CACNA1C: variants seen among roughly 807,000 people sequenced by gnomAD.
The protein encoded by CACNA1C is voltage-dependent L-type calcium channel subunit alpha-1C.
In CACNA1C, 30 loss-of-function variants were observed where a neutral mutation model predicts 229.0. The ratio of observed to expected loss-of-function variants is 0.13; its 90% confidence interval spans 0.10 to 0.18. The LOEUF is 0.18. Among genes scored for constraint, CACNA1C ranks in the 10% least tolerant of loss-of-function variants. The pLI is 1.00. For synonymous variants in CACNA1C, 1,114 were observed against 1,132.5 expected, an observed-to-expected ratio of 0.98 and a Z score of 0.33; for missense variants, 1,658 against 2,845.0, an observed-to-expected ratio of 0.58 and a Z score of 9.49.
intron 3 of CACNA1C, among the ~76,000 whole-genome samples, chr12:2,372,464 G>A (rs1237456214): frequency 6.6e-6 from 1 of 152,184 alleles, no homozygotes; most frequent in East Asian, 1.9e-4. Context: ...GACACAGGCA[G>A]ATCTCCAGCA....
At chr12:2,562,451 C>T (rs532640352) in intron 11 of CACNA1C, among the ~76,000 whole-genome samples, 2 of 152,270 alleles carry the variant, frequency 1.3e-5, no homozygotes, top group South Asian at 2.1e-4. Context: ...TGAGTTTGTC[C>T]TGAAAATTCA....
chr12:2,465,323 T>G (rs181838720), intron 5 of CACNA1C, among the ~76,000 whole-genome samples: 1 of 152,286 alleles, frequency 6.6e-6, no homozygotes, highest in East Asian at 1.9e-4. Flanking sequence ...TTATTTGACT[T>G]GCATAGTGTA....
intron 9 of CACNA1C, among the ~76,000 whole-genome samples, chr12:2,548,399 A>G (rs936885386): frequency 5.9e-5 from 9 of 152,146 alleles, no homozygotes; most frequent in African/African-American, 1.9e-4. Context: ...CAAGATGAAC[A>G]TGCTACAGGA....
intron 3 of CACNA1C, among the ~76,000 whole-genome samples, chr12:2,182,411 T>A (rs909737244): frequency 6.6e-6 from 1 of 151,904 alleles, no homozygotes; most frequent in African/African-American, 2.4e-5. Context: ...CCTTATGGGG[T>A]TTTTTTCCCC....
intron 5 of CACNA1C, among the ~76,000 whole-genome samples, chr12:2,470,510 G>A (rs1204850347): frequency 6.6e-6 from 1 of 152,170 alleles, no homozygotes; most frequent in Non-Finnish European, 1.5e-5. Context: ...ATTATTGGTT[G>A]ATTCTCTCGT....
Position 2,181,831 on chromosome 12 carries a change from A to G in CACNA1C, c.477+61401A>G, listed in dbSNP as rs1274500343. The stretch of plus-strand genomic sequence containing the variant: ...TAGCGAGGGTAAGTAATGGACTGCA[A>G]GGACACTCTGTCTCTGGCCCAGAGG... On this transcript the variant is annotated intron_variant, in intron 3 of 46. Coordinates refer to ENST00000399655, the MANE Select transcript of CACNA1C (RefSeq NM_000719.7). This position sits in a 1 kb window ranked among gnomAD's most constrained non-coding sequence, Gnocchi z 4.0. Among the ~76,000 whole-genome samples, 1 of 152,148 alleles carries G rather than the reference A, an allele frequency of 6.6e-6. No homozygotes were observed. The highest frequency in any genetic ancestry group is 2.4e-5 in the African/African-American group (1 of 41,424).
At chr12:2,611,563 G>A (rs896247449) in intron 28 of CACNA1C, among the ~76,000 whole-genome samples, 7 of 152,094 alleles carry the variant, frequency 4.6e-5, no homozygotes, top group Admixed American at 2.6e-4. Flanking sequence ...ATTCGTTGTC[G>A]GTAAGGTGTG....
At chr12:2,274,475 A>G (rs1566818049) in intron 3 of CACNA1C, among the ~76,000 whole-genome samples, 1 of 152,190 alleles carries the variant, frequency 6.6e-6, no homozygotes, top group Non-Finnish European at 1.5e-5. Flanking sequence ...TTGCAGTGAA[A>G]GTTTTCAGCC....
At chr12:2,086,051 G>GT (rs2067527921) in intron 1 of CACNA1C, among the ~76,000 whole-genome samples, 1 of 152,192 alleles carries the variant, frequency 6.6e-6, no homozygotes, top group Non-Finnish European at 1.5e-5. Flanking sequence ...GATGCAGCGG[G>GT]TTGGGCATCC....
chr12:1,996,240 C>G (rs1056898989), intron 1 of CACNA1C, among the ~76,000 whole-genome samples: 2 of 152,186 alleles, frequency 1.3e-5, no homozygotes, highest in Admixed American at 6.5e-5. Flanking sequence ...CTCTATTACT[C>G]TCCTGTTCAT....
chr12:2,671,442 G>GC (rs1490408747), intron 38 of CACNA1C, among the ~76,000 whole-genome samples: 2 of 152,150 alleles, frequency 1.3e-5, no homozygotes, highest in East Asian at 3.8e-4. Flanking sequence ...TACTCCTTTA[G>GC]TTTTTTTACT....
intron 20 of CACNA1C, among the ~76,000 whole-genome samples, chr12:2,596,609 G>A (rs907254508): frequency 2.0e-5 from 3 of 152,162 alleles, no homozygotes; most frequent in Non-Finnish European, 4.4e-5. Flanking sequence ...GGCCTGCTTG[G>A]TCCAGGGCTG....
chr12:2,270,388 G>A lies in CACNA1C; in HGVS notation c.477+149958G>A, dbSNP rs1294953896. 2.6e-5 allele frequency among the ~76,000 whole-genome samples: 4 copies of A among 152,294 alleles called. No homozygotes were observed. In the East Asian group the frequency reaches 7.7e-4, roughly 29 times the overall value. ...TGATTCTTTTATGAGCAGTTGTCTT[G>A]AATCACTTCAACCCTCCACACCTGG... is the stretch of plus-strand genomic sequence containing the variant. On this transcript the variant is annotated intron_variant, in intron 3 of 46. Coordinates refer to ENST00000399655, the MANE Select transcript of CACNA1C (RefSeq NM_000719.7).
At chr12:2,195,777 C>T (rs2097381698) in intron 3 of CACNA1C, among the ~76,000 whole-genome samples, 1 of 152,300 alleles carries the variant, frequency 6.6e-6, no homozygotes, top group East Asian at 1.9e-4. Context: ...TAGGGAATGT[C>T]GAAACCGGGA....
chr12:2,675,175 T>C (rs1011902430), intron 39 of CACNA1C, among the ~76,000 whole-genome samples: 2 of 152,230 alleles, frequency 1.3e-5, no homozygotes, highest in African/African-American at 4.8e-5. Flanking sequence ...ATGAAAATTA[T>C]AGGTAATATA....
intron 21 of CACNA1C, among the ~76,000 whole-genome samples, chr12:2,599,979 C>G (rs1056483947): frequency 2.6e-5 from 4 of 152,274 alleles, no homozygotes; most frequent in South Asian, 4.1e-4. Context: ...AACCAGAGGA[C>G]AGAGTTGGCA....
At chr12:2,063,275 C>A (rs1232447751) in intron 1 of CACNA1C, among the ~76,000 whole-genome samples, 3 of 152,056 alleles carry the variant, frequency 2.0e-5, no homozygotes, top group African/African-American at 7.3e-5. Context: ...CCTCAGTCTC[C>A]TGAGTAGCTG....
intron 1 of CACNA1C, among the ~76,000 whole-genome samples, chr12:1,986,004 G>A (rs1476419043): frequency 1.3e-5 from 2 of 152,042 alleles, no homozygotes; most frequent in Admixed American, 6.5e-5. Context: ...TAGTAGAGAT[G>A]GAGTTTCACC....
At chr12:2,663,251 G>A (rs1408749515) in intron 34 of CACNA1C, among the ~76,000 whole-genome samples, 2 of 152,162 alleles carry the variant, frequency 1.3e-5, no homozygotes, top group Non-Finnish European at 2.9e-5. Flanking sequence ...GTTAAGAATA[G>A]ACACGAAACC....
Sources: allele counts gnomAD v4.1 joint callset (sites outside exome capture counted in the v4.1 genomes callset), GRCh38; gene constraint gnomAD v4.1.1; non-coding constraint Gnocchi (gnomAD v3.1); transcripts MANE v1.5; gene names NCBI Gene and HGNC (gene_info 2026-07-23, HGNC 2026-07-21).